The following ADAMTS18 variants were observed in gnomAD, a reference collection of about 807,000 sequenced individuals.
ADAMTS18 encodes A disintegrin and metalloproteinase with thrombospondin motifs 18.
Under a neutral mutation model 165.9 loss-of-function variants are expected in ADAMTS18, and 157 were observed. That is an observed-to-expected ratio of 0.95 (90% confidence interval 0.83 to 1.08). The LOEUF is 1.08. Ranked by LOEUF, ADAMTS18 falls within the 50% of genes least tolerant of loss-of-function variation. The pLI, the probability that ADAMTS18 is intolerant of heterozygous loss-of-function variation, is 0.00. For missense variants in ADAMTS18, 2,040 were observed against 1,534.0 expected (o/e 1.33, Z -5.51); for synonymous variants, 782 against 578.2 (o/e 1.35, Z -5.06).
In ADAMTS18 at chr16:77,335,876, A is replaced by G. The variant is rs773493388; in HGVS notation, c.1739T>C (p.Phe580Ser). 19 of 1,614,100 alleles carry G rather than the reference A, an allele frequency of 1.2e-5. No individual in the cohort carries two copies. The highest frequency in any genetic ancestry group is 2.2e-5 in the East Asian group (1 of 44,888). Residue 580 changes from phenylalanine to serine, a missense_variant, in exon 12 of 23, where the codon TTT (phenylalanine) becomes TCT (serine). Phe to Ser is a radical substitution (Grantham distance 155, BLOSUM62 -2). Transcript: ENST00000282849. Reference protein sequence around the residue: ...MWCRQGQCVKFGELGPRPIHG... With the variant: ...MWCRQGQCVKSGELGPRPIHG... ...GATGGGCCGGGGCCCGAGCTCCCCA[A>G]ACTTTACGCACTGGCCTTGCCGACA... is the stretch of plus-strand genomic sequence containing the variant.
chr16:77,395,161 GGGAAACT>G (rs1303717209), intron 3 of ADAMTS18, among the ~76,000 whole-genome samples: 1 of 152,146 alleles, frequency 6.6e-6, no homozygotes, highest in African/African-American at 2.4e-5. Flanking sequence ...TTCACATTTG[GGGAAACT>G]GGAAACTCTT....
At chr16:77,371,042 CT>C (rs926725812) in intron 3 of ADAMTS18, among the ~76,000 whole-genome samples, 44 of 151,968 alleles carry the variant, frequency 2.9e-4, no homozygotes, top group African/African-American at 1.0e-3. Flanking sequence ...TAGTGAAACC[CT>C]GTCTCTACAA....
chr16:77,434,736 G>A lies in ADAMTS18; in HGVS notation c.-41C>T. 6 of 1,389,590 alleles carry A rather than the reference G, an allele frequency of 4.3e-6. No individual in the cohort carries two copies. The highest frequency in any genetic ancestry group is 5.6e-6 in the Non-Finnish European group (6 of 1,069,810). 86.1% of individuals were successfully genotyped at this position (1,389,590 alleles called of 1,614,324 possible). On this transcript the variant is annotated 5_prime_UTR_variant, in exon 1 of 23. Coordinates refer to ENST00000282849, the MANE Select transcript of ADAMTS18 (RefSeq NM_199355.4). Reference sequence around the variant, plus strand: ...CGGCGGCTGCGGGTGGCCAGACGCGGCAGGCGGAGCGCACGGGCGGCGCGC... The same window carrying A: ...CGGCGGCTGCGGGTGGCCAGACGCGACAGGCGGAGCGCACGGGCGGCGCGC...
chr16:77,405,931 A>C (rs1449916786), intron 3 of ADAMTS18, among the ~76,000 whole-genome samples: 1 of 152,184 alleles, frequency 6.6e-6, no homozygotes, highest in East Asian at 1.9e-4. Flanking sequence ...AAGATGAGAA[A>C]GTGACGATCT....
intron 16 of ADAMTS18, among the ~76,000 whole-genome samples, chr16:77,312,177 C>T (rs1428842): frequency 0.051 from 7,811 of 151,838 alleles, 537 homozygotes; most frequent in African/African-American, 0.16. Context: ...CGGATCAATT[C>T]GAGAGAACTC....
intron 3 of ADAMTS18, among the ~76,000 whole-genome samples, chr16:77,373,579 A>T (rs1450885558): frequency 6.6e-6 from 1 of 152,172 alleles, no homozygotes; most frequent in Non-Finnish European, 1.5e-5. Context: ...AGGAGTGGAG[A>T]TGAGGGATAA....
chr16:77,332,021 T>A (rs1428517380), intron 12 of ADAMTS18, among the ~76,000 whole-genome samples: 2 of 152,210 alleles, frequency 1.3e-5, no homozygotes, highest in African/African-American at 4.8e-5. Flanking sequence ...TAATGACATG[T>A]CAGACCCTCT....
At chr16:77,305,901 C>T (rs2055673327) in intron 16 of ADAMTS18, among the ~76,000 whole-genome samples, 1 of 152,118 alleles carries the variant, frequency 6.6e-6, no homozygotes, top group Non-Finnish European at 1.5e-5. Context: ...ATGATCATTC[C>T]CATTGTTCAC....
At chr16:77,400,486 T>TG (rs2057316073) in intron 3 of ADAMTS18, among the ~76,000 whole-genome samples, 2 of 59,882 alleles carry the variant, frequency 3.3e-5, no homozygotes, top group African/African-American at 9.6e-5. Context: ...GTGTGTTTTG[T>TG]TTTTTTTTTT....
chr16:77,424,847 G>C (rs2057651212), intron 3 of ADAMTS18, among the ~76,000 whole-genome samples: 1 of 152,088 alleles, frequency 6.6e-6, no homozygotes. Flanking sequence ...TGACCGAAAA[G>C]CTCCAAGGGG....
At chr16:77,431,788 C>T (rs1260713242) in intron 2 of ADAMTS18, 177 bp from the exon 3 acceptor site, 3 of 680,918 alleles carry the variant, frequency 4.4e-6, no homozygotes, top group Non-Finnish European at 7.7e-6. Flanking sequence ...GTCTCTACAA[C>T]TAACTCGGCC....
intron 3 of ADAMTS18, among the ~76,000 whole-genome samples, chr16:77,400,369 A>T (rs1001394133): frequency 1.2e-4 from 18 of 151,032 alleles, no homozygotes; most frequent in African/African-American, 3.7e-4. Context: ...GACCCCTGGG[A>T]CTACCCCTGA....
At chr16:77,384,059 GC>G (rs2057071916) in intron 3 of ADAMTS18, among the ~76,000 whole-genome samples, 1 of 119,076 alleles carries the variant, frequency 8.4e-6, no homozygotes, top group Non-Finnish European at 2.1e-5. Context: ...CTCCTTAAAG[GC>G]TGGGACTTTG....
chr16:77,350,021 A>T (rs1401066012), intron 10 of ADAMTS18, among the ~76,000 whole-genome samples: 1 of 152,208 alleles, frequency 6.6e-6, no homozygotes, highest in Non-Finnish European at 1.5e-5. Flanking sequence ...CTAGCTTAGT[A>T]AAATAACCAG....
chr16:77,356,531 T>C (rs919804211), intron 8 of ADAMTS18, among the ~76,000 whole-genome samples: 1 of 152,182 alleles, frequency 6.6e-6, no homozygotes, highest in African/African-American at 2.4e-5. Flanking sequence ...TGTTCATATA[T>C]AAGGCTAGCA....
At chr16:77,365,902 C>G (rs1046649864) in intron 4 of ADAMTS18, among the ~76,000 whole-genome samples, 3 of 152,216 alleles carry the variant, frequency 2.0e-5, no homozygotes, top group African/African-American at 7.2e-5. Context: ...TCTATGAAAA[C>G]AGGTGACACT....
chr16:77,340,700 C>A (rs187576386), intron 11 of ADAMTS18, among the ~76,000 whole-genome samples: 1 of 152,088 alleles, frequency 6.6e-6, no homozygotes, highest in African/African-American at 2.4e-5. Flanking sequence ...CCTCCTTCAA[C>A]CTCCCAAAGT....
intron 10 of ADAMTS18, among the ~76,000 whole-genome samples, chr16:77,346,060 T>C (rs1324436648): frequency 1.3e-5 from 2 of 152,190 alleles, no homozygotes; most frequent in African/African-American, 4.8e-5. Context: ...AGCGGGTCTT[T>C]ACACTGGCTG....
intron 14 of ADAMTS18, 75 bp downstream of exon 14, chr16:77,322,261 C>A: frequency 6.3e-7 from 1 of 1,576,970 alleles, no homozygotes; most frequent in Non-Finnish European, 8.7e-7. Context: ...ATCTCTCACA[C>A]CACTGTTCAC....
Sources: allele counts gnomAD v4.1 joint callset (sites outside exome capture counted in the v4.1 genomes callset), GRCh38; gene constraint gnomAD v4.1.1; transcripts MANE v1.5; gene names NCBI Gene and HGNC (gene_info 2026-07-23, HGNC 2026-07-21).